Variants in FLT1 observed in about 807,000 individuals in gnomAD.
FLT1 encodes the protein vascular endothelial growth factor receptor 1.
A neutral mutation model predicts 156.3 loss-of-function variants in FLT1; 49 were observed. That is an observed-to-expected ratio of 0.31 (90% confidence interval 0.25 to 0.40). The LOEUF (loss-of-function observed/expected upper bound fraction) is 0.40, where lower values mean the gene tolerates loss of function less well. Among genes scored for constraint, FLT1 ranks in the 10% least tolerant of loss-of-function variants. The probability of loss-of-function intolerance (pLI) is 1.00; values close to 1 mark genes in which losing one functional copy is unlikely to be tolerated. For missense variants in FLT1, 1,322 were observed against 1,637.2 expected (o/e 0.81, Z 3.32); for synonymous variants, 594 against 583.8 (o/e 1.02, Z -0.25).
intron 25 of FLT1, among the ~76,000 whole-genome samples, chr13:28,313,811 G>A (rs1424754585): frequency 2.7e-5 from 4 of 150,210 alleles, no homozygotes; most frequent in Non-Finnish European, 5.9e-5. Flanking sequence ...AATGGCTCCA[G>A]ATATCTCTTA....
intron 12 of FLT1, among the ~76,000 whole-genome samples, chr13:28,392,266 A>G (rs1874780610): frequency 6.6e-6 from 1 of 152,218 alleles, no homozygotes; most frequent in Non-Finnish European, 1.5e-5. Context: ...TCCTGCTTTT[A>G]AAATGAAAAT....
intron 14 of FLT1, among the ~76,000 whole-genome samples, chr13:28,369,512 G>A (rs1174936063): frequency 1.3e-5 from 2 of 152,088 alleles, no homozygotes; most frequent in Non-Finnish European, 1.5e-5. Flanking sequence ...ATGACAGAAC[G>A]AGACTCCATC....
chr13:28,472,748 G>A (rs982057496), intron 1 of FLT1, among the ~76,000 whole-genome samples: 8 of 152,096 alleles, frequency 5.3e-5, no homozygotes, highest in Admixed American at 3.9e-4. Context: ...GGCCATGGGC[G>A]GGCCACATTA....
intron 13 of FLT1, 125 bp from the exon 14 acceptor site, chr13:28,385,156 G>T: frequency 2.0e-6 from 2 of 992,158 alleles, no homozygotes; most frequent in Admixed American, 1.9e-5. Flanking sequence ...ATTTTCATTT[G>T]TTCACTTTCT....
intron 3 of FLT1, 197 bp downstream of exon 3, chr13:28,466,706 A>T (rs763447808): frequency 3.4e-4 from 231 of 672,740 alleles, no homozygotes; most frequent in Non-Finnish European, 5.2e-4. Flanking sequence ...TTTGTGGAGC[A>T]CATAGTGACT....
At chr13:28,338,863 T>C (rs576193813) in intron 17 of FLT1, among the ~76,000 whole-genome samples, 1 of 152,288 alleles carries the variant, frequency 6.6e-6, no homozygotes, top group South Asian at 2.1e-4. Context: ...ATCTCCAGAC[T>C]GAGCCCTTTG....
chr13:28,383,712 C>T (rs1289415094), intron 14 of FLT1, among the ~76,000 whole-genome samples: 2 of 151,714 alleles, frequency 1.3e-5, no homozygotes, highest in South Asian at 2.1e-4. Context: ...ACCTGTAATC[C>T]CAGCCACTTG....
chr13:28,433,599 C>T (rs1176238158), intron 6 of FLT1, among the ~76,000 whole-genome samples: 1 of 152,174 alleles, frequency 6.6e-6, no homozygotes, highest in Non-Finnish European at 1.5e-5. Context: ...CTACACTCTT[C>T]AAAACAAAAC....
At chr13:28,410,910 C>T (rs557002717) in intron 10 of FLT1, among the ~76,000 whole-genome samples, 2 of 152,312 alleles carry the variant, frequency 1.3e-5, no homozygotes, top group East Asian at 3.9e-4. Flanking sequence ...TATCCCAGAG[C>T]TCTGTGCATC....
chr13:28,389,668 A>G (rs532884472), intron 13 of FLT1, 128 bp downstream of exon 13: 5 of 1,540,380 alleles, frequency 3.2e-6, no homozygotes, highest in African/African-American at 1.4e-5. Flanking sequence ...AATCAAGATG[A>G]TATGAGACAA....
At chr13:28,365,696 T>C (rs1873267254) in intron 14 of FLT1, among the ~76,000 whole-genome samples, 1 of 152,200 alleles carries the variant, frequency 6.6e-6, no homozygotes, top group Admixed American at 6.5e-5. Flanking sequence ...GTTTCTGAGA[T>C]AGTTTAATTG....
chr13:28,346,512 G>C (rs1335385906), intron 15 of FLT1, among the ~76,000 whole-genome samples: 1 of 151,680 alleles, frequency 6.6e-6, no homozygotes, highest in Non-Finnish European at 1.5e-5. Flanking sequence ...TGGAGCCCCG[G>C]AGTTTGAGAC....
chr13:28,378,444 T>G (rs148009205), intron 14 of FLT1, among the ~76,000 whole-genome samples: 13 of 152,346 alleles, frequency 8.5e-5, no homozygotes, highest in Non-Finnish European at 1.5e-4. Flanking sequence ...GATGCTCATT[T>G]GTTCTCTTGT....
chr13:28,398,758 C>T (rs958146015), intron 11 of FLT1, among the ~76,000 whole-genome samples: 1 of 152,162 alleles, frequency 6.6e-6, no homozygotes, highest in Non-Finnish European at 1.5e-5. Context: ...CAAGGCATTG[C>T]CCAGATGTTG....
chr13:28,315,558 A>G (rs904647876), intron 25 of FLT1, among the ~76,000 whole-genome samples: 4 of 152,254 alleles, frequency 2.6e-5, no homozygotes, highest in African/African-American at 7.2e-5. Flanking sequence ...ACTATCTCAA[A>G]AAAACAAACA....
chr13:28,458,917 T>A (rs138277651), intron 3 of FLT1, among the ~76,000 whole-genome samples: 1,926 of 152,310 alleles, frequency 0.013, 40 homozygotes, highest in African/African-American at 0.044. Flanking sequence ...AGGGGTCTAT[T>A]TCCCAAGAAA....
At chr13:28,347,399 G>T (rs1872603923) in intron 15 of FLT1, among the ~76,000 whole-genome samples, 1 of 152,008 alleles carries the variant, frequency 6.6e-6, no homozygotes, top group African/African-American at 2.4e-5. Flanking sequence ...GTGGTGGGGG[G>T]GCACCCAGCT....
chr13:28,306,736 G>C lies in FLT1; in HGVS notation c.3757C>G (p.Pro1253Ala), dbSNP rs1374309758. The change falls in exon 29 of 30, where the codon CCC (proline) becomes GCC (alanine). Residue 1253 changes from proline (P) to alanine (A), a missense_variant. Pro to Ala is a conservative substitution (Grantham distance 27). Around this residue, in one of 3 missense-constraint regions of FLT1, gnomAD observed 329 missense variants for 366.2 expected, o/e 0.90. Coordinates refer to ENST00000282397, the MANE Select transcript of FLT1 (RefSeq NM_002019.4). ...GTCCAGGTGAAGCGCTTCAGCATGGGAGAGGCCAACAGAGTGCTGCTGTCG... is the reference window on the plus strand; with the variant it reads ...GTCCAGGTGAAGCGCTTCAGCATGGCAGAGGCCAACAGAGTGCTGCTGTCG... ...QGDSSTLLAS[P>A]MLKRFTWTDS... 1 of 1,613,916 alleles carries C rather than the reference G, an allele frequency of 6.2e-7. No individual in the cohort carries two copies. Among genetic ancestry groups the C allele is most frequent in the Admixed American group, 1.7e-5 (1 of 60,024 alleles).
chr13:28,491,368 C>T (rs1881463022), intron 1 of FLT1, among the ~76,000 whole-genome samples: 1 of 152,060 alleles, frequency 6.6e-6, no homozygotes, highest in Non-Finnish European at 1.5e-5. Context: ...TTCTGTTAAT[C>T]AAATAAGTGT....
Sources: gnomAD v4.1 joint callset for allele counts (sites outside exome capture counted in the v4.1 genomes callset) on GRCh38, gnomAD v4.1.1 for gene constraint, gnomAD v4.1.1 regional missense constraint, MANE v1.5 for transcripts, NCBI Gene and HGNC (gene_info 2026-07-23, HGNC 2026-07-21) for gene names.